The following MTRR variants were observed in gnomAD, a reference collection of about 807,000 sequenced individuals.
MTRR encodes 5-methyltetrahydrofolate-homocysteine methyltransferase reductase, also known as methionine synthase reductase.
Under a neutral mutation model 79.2 loss-of-function variants are expected in MTRR, and 63 were observed. That is an observed-to-expected ratio of 0.80 (90% CI 0.65 to 0.98). The LOEUF is 0.98. Ranked by LOEUF, MTRR falls within the 50% of genes least tolerant of loss-of-function variation. MTRR has a pLI of 0.00. For missense variants in MTRR, 895 were observed against 839.6 expected (o/e 1.07, Z -0.82); for synonymous variants, 355 against 313.3 (o/e 1.13, Z -1.41).
rs138612190 is a variant in MTRR at position 7,873,387 on chromosome 5, C to T, written c.144C>T (p.Thr48=). The change falls in exon 3 of 15, where the codon ACC becomes ACT. Residue 48 remains threonine, a synonymous_variant. Transcript: ENST00000440940. The part of the protein sequence containing the change: ...ISESDKYDLK[T]ETAPLVVVVS... ...TTGTTTTGTAGTATGACCTAAAAAC[C>T]GAAACAGCTCCTCTTGTTGTTGTGG... 354 of 1,614,112 alleles carry T rather than the reference C, an allele frequency of 2.2e-4. No homozygotes were observed. The African/African-American group carries it at 4.0e-3, about 18-fold the overall frequency.
At chr5:7,850,981 C>T (rs768292052), upstream of MTRR, 3 of 1,304,070 alleles carry the variant, frequency 2.3e-6, no homozygotes, top group South Asian at 2.7e-5. Flanking sequence ...GGGCTTGCCC[C>T]GCAGCGTGGA....
intron 3 of MTRR, among the ~76,000 whole-genome samples, chr5:7,874,661 C>T (rs1280962020): frequency 2.1e-5 from 3 of 143,992 alleles, no homozygotes; most frequent in Admixed American, 1.4e-4. Flanking sequence ...CAGAAACATA[C>T]CACATTGTTA....
intron 1 of MTRR, chr5:7,869,598 C>T (rs976689430): frequency 4.5e-5 from 11 of 246,304 alleles, no homozygotes; most frequent in Non-Finnish European, 4.8e-5. Flanking sequence ...CGGGACGTTC[C>T]GAGCGCCCAC....
rs1200348991 is a variant in MTRR at position 7,869,156 on chromosome 5, C to CTG, written c.-84_-83dup. ...AGCATGGGCGCTGCGTCAGTGCGCG[C>CTG]TGGCGCAAGGTTGGTGGAAGTCGCG... On this transcript the variant is annotated 5_prime_UTR_variant, in exon 1 of 15. Transcript: ENST00000440940. 6.2e-7 allele frequency: 1 copy of CTG among 1,613,000 alleles called. No individual in the cohort carries two copies. The highest frequency in any genetic ancestry group is 8.5e-7 in the Non-Finnish European group (1 of 1,179,844).
At chr5:7,855,235 A>G (rs1240270409) in intron 1 of MTRR, among the ~76,000 whole-genome samples, 1 of 152,204 alleles carries the variant, frequency 6.6e-6, no homozygotes, top group African/African-American at 2.4e-5. Context: ...GAGATAGTAC[A>G]GGAAATTTAG....
At chr5:7,888,958 T>C in intron 8 of MTRR, 137 bp from the exon 9 acceptor site, 3 of 902,984 alleles carry the variant, frequency 3.3e-6, no homozygotes, top group Non-Finnish European at 5.2e-6. Context: ...AATTCCCTCC[T>C]CCTGACAATA....
intron 8 of MTRR, 48 bp from the exon 9 acceptor site, chr5:7,889,047 C>T (rs1737097055): frequency 2.5e-6 from 4 of 1,608,496 alleles, no homozygotes; most frequent in Non-Finnish European, 3.4e-6. Flanking sequence ...ATTCTAATAG[C>T]TCTACCCACA....
rs981315171 is a variant in MTRR at position 7,878,426 on chromosome 5, C to G, written c.780+104C>G. 4.2e-6 allele frequency: 6 copies of G among 1,438,614 alleles called. No individual in the cohort carries two copies. The Admixed American group carries it at 1.0e-4, about 25-fold the overall frequency. The allele number at this position is 1,438,614 out of a possible 1,614,324, so 89.1% of individuals were successfully genotyped here. A position where few individuals can be genotyped will look rare whatever the true frequency, so the allele number is the denominator to read the frequency against. The stretch of plus-strand genomic sequence containing the variant: ...TAGAAGAGAGGTCAACAAACTATGG[C>G]TTACTGGCCCAATGTGGCCCAGAGC... On this transcript the variant is annotated intron_variant, in intron 5 of 14. Transcript: ENST00000440940.
intron 1 of MTRR, chr5:7,861,125 C>CA (rs747919091): frequency 6.5e-5 from 94 of 1,435,578 alleles, no homozygotes; most frequent in South Asian, 8.6e-5. Flanking sequence ...TTTTGGGAAA[C>CA]AAAAAAAATA....
chr5:7,868,065 T>G, upstream of MTRR: 1 of 1,606,378 alleles, frequency 6.2e-7, no homozygotes. Context: ...AGGTTCTTCC[T>G]CAAGGTGATT....
chr5:7,886,919 A>G (rs2126753744), intron 8 of MTRR, among the ~76,000 whole-genome samples: 1 of 152,178 alleles, frequency 6.6e-6, no homozygotes, highest in East Asian at 1.9e-4. Flanking sequence ...TTTGTTTTCT[A>G]TTGAAATGAG....
rs1734503662 is a variant in MTRR, at chr5:7,876,041, C to T, written c.401+666C>T. 3.3e-5 allele frequency among the ~76,000 whole-genome samples: 5 copies of T among 152,230 alleles called. No homozygotes were observed. The South Asian group carries it at 1.0e-3, about 32-fold the overall frequency. ...TTCAACTATTTTAGCCAGATAACAG[C>T]ACACACCCTTAATTTTTTTCTAGTA... On this transcript the variant is annotated intron_variant, in intron 4 of 14. Coordinates refer to ENST00000440940, the MANE Select transcript of MTRR (RefSeq NM_002454.3).
At chr5:7,858,454 A>G (rs765892600) in intron 1 of MTRR, among the ~76,000 whole-genome samples, 1 of 152,094 alleles carries the variant, frequency 6.6e-6, no homozygotes, top group East Asian at 1.9e-4. Flanking sequence ...CTCAATCTCA[A>G]TTTGCTTCCA....
chr5:7,865,817 T>G, upstream of MTRR: 14 of 1,060,248 alleles, frequency 1.3e-5, no homozygotes, highest in Non-Finnish European at 1.9e-5. Context: ...TTCAGGTTAT[T>G]GAGACAGATC....
chr5:7,886,788 C>A, intron 8 of MTRR, 85 bp downstream of exon 8: 1 of 1,067,542 alleles, frequency 9.4e-7, no homozygotes, highest in South Asian at 1.3e-5. Context: ...TAGAATATGC[C>A]CTTTGCAGTC....
intron 1 of MTRR, chr5:7,869,537 C>T: frequency 3.0e-6 from 1 of 330,906 alleles, no homozygotes; most frequent in Non-Finnish European, 5.8e-6. Context: ...CACTCGGGGA[C>T]GCGGGGAACT....
intron 6 of MTRR, 84 bp downstream of exon 6, chr5:7,883,361 G>A: frequency 1.3e-6 from 2 of 1,572,238 alleles, no homozygotes; most frequent in Non-Finnish European, 1.7e-6. Context: ...TATATATGCT[G>A]AGTGGTGTGC....
chr5:7,879,191 G>A (rs1028681803), intron 5 of MTRR, among the ~76,000 whole-genome samples: 1 of 152,082 alleles, frequency 6.6e-6, no homozygotes, highest in East Asian at 1.9e-4. Flanking sequence ...AATTGTTTAA[G>A]TGAGATAATT....
upstream of MTRR, among the ~76,000 whole-genome samples, chr5:7,868,666 G>C (rs1161201627): frequency 2.0e-5 from 3 of 152,194 alleles, no homozygotes; most frequent in Non-Finnish European, 4.4e-5. Flanking sequence ...GGTCTACTTT[G>C]TCAATGGAAA....
Sources: gnomAD v4.1 joint callset for allele counts (sites outside exome capture counted in the v4.1 genomes callset) on GRCh38, gnomAD v4.1.1 for gene constraint, MANE v1.5 for transcripts, NCBI Gene and HGNC (gene_info 2026-07-23, HGNC 2026-07-21) for gene names.